The following B4GALT1 variants were observed in gnomAD, a reference collection of about 807,000 sequenced individuals.
B4GALT1 encodes N-acetyllactosamine synthase.
A neutral mutation model predicts 34.9 loss-of-function variants in B4GALT1; 16 were observed. That is an observed-to-expected ratio of 0.46 (90% confidence interval 0.31 to 0.70). The LOEUF (loss-of-function observed/expected upper bound fraction) is 0.70, where lower values mean the gene tolerates loss of function less well. Among genes scored for constraint, B4GALT1 ranks in the 30% least tolerant of loss-of-function variants. The pLI, the probability that B4GALT1 is intolerant of heterozygous loss-of-function variation, is 0.05. For missense variants in B4GALT1, 445 were observed against 530.5 expected, an observed-to-expected ratio of 0.84 and a Z score of 1.58; for synonymous variants, 221 against 218.1, an observed-to-expected ratio of 1.01 and a Z score of -0.12.
downstream of B4GALT1, among the ~76,000 whole-genome samples, chr9:33,109,256 C>T (rs1839828112): frequency 6.6e-6 from 1 of 152,196 alleles, no homozygotes; most frequent in African/African-American, 2.4e-5. Context: ...AGATGAGCTT[C>T]CAGATAGCTG....
At chr9:33,168,778 G>C (rs1260128573), upstream of B4GALT1, among the ~76,000 whole-genome samples, 1 of 152,160 alleles carries the variant, frequency 6.6e-6, no homozygotes, top group Non-Finnish European at 1.5e-5. Context: ...GCTGATCACT[G>C]ATTTGTCTCC....
At chr9:33,175,110 G>C in the B4GALT1 span, among the ~76,000 whole-genome samples, 1 of 143,310 alleles carries the variant, frequency 7.0e-6, no homozygotes, top group African/African-American at 2.6e-5. Context: ...CCAGAAGTTT[G>C]ATACTAGCCT....
rs17326497 is a variant in B4GALT1 at position 33,111,688 on chromosome 9, G to T, written c.*1766C>A. 5 of 152,694 alleles carry T rather than the reference G, an allele frequency of 3.3e-5. No homozygotes were observed. Among genetic ancestry groups the T allele is most frequent in the African/African-American group, 1.2e-4 (5 of 41,456 alleles). 9.5% of individuals were successfully genotyped at this position (152,694 alleles called of 1,614,324 possible). A position where few individuals can be genotyped will look rare whatever the true frequency, so the allele number is the denominator to read the frequency against. ...CCAGGAGGGCAGTGGTTTGGGGTCC[G>T]CCACGAGCACAAGGCTCAACCCTGG... On this transcript the variant is annotated 3_prime_UTR_variant, in exon 6 of 6. Transcript: ENST00000379731.
chr9:33,125,554 G>C (rs1463317118), intron 2 of B4GALT1, among the ~76,000 whole-genome samples: 1 of 152,160 alleles, frequency 6.6e-6, no homozygotes, highest in African/African-American at 2.4e-5. Context: ...AGCAGACAGT[G>C]CCTCCCCCAA....
chr9:33,180,913 A>G, the B4GALT1 span, among the ~76,000 whole-genome samples: 2 of 152,124 alleles, frequency 1.3e-5, no homozygotes, highest in African/African-American at 2.4e-5. Flanking sequence ...AAAAAGTTCA[A>G]TTTCCCTTTA....
chr9:33,182,615 C>T, the B4GALT1 span, among the ~76,000 whole-genome samples: 1,071 of 152,244 alleles, frequency 7.0e-3, 16 homozygotes, highest in African/African-American at 0.025. Context: ...AACTGATTAC[C>T]ACTCCTCCTT....
At chr9:33,114,547 G>GTC (rs10633991) in intron 4 of B4GALT1, among the ~76,000 whole-genome samples, 145,347 of 152,184 alleles carry the variant, frequency 0.96, 69,543 homozygotes, top group Middle Eastern at 0.99. Flanking sequence ...CCATGGGGAA[G>GTC]TCTCTGGAAA....
Position 33,111,276 on chromosome 9 carries a change from A to AAAAAAAAAAAAAAAAAAAC in B4GALT1, c.*2177_*2178insGTTTTTTTTTTTTTTTTTT, listed in dbSNP as rs1564033760. ...AAAAAAAAAAAAAAAAAAAAAAAAA[A>AAAAAAAAAAAAAAAAAAAC]AACAACAAGAAAAGGTAGAGTTTGG... On this transcript the variant is annotated 3_prime_UTR_variant, in exon 6 of 6. Coordinates refer to ENST00000379731, the MANE Select transcript of B4GALT1 (RefSeq NM_001497.4). 6 of 106,010 alleles carry AAAAAAAAAAAAAAAAAAAC rather than the reference A, an allele frequency of 5.7e-5. No homozygotes were observed. The highest frequency in any genetic ancestry group is 1.0e-4 in the Admixed American group (1 of 9,580). 6.6% of individuals were successfully genotyped at this position (106,010 alleles called of 1,614,324 possible).
intron 1 of B4GALT1, among the ~76,000 whole-genome samples, chr9:33,150,908 G>C (rs954317093): frequency 2.6e-5 from 4 of 152,142 alleles, no homozygotes; most frequent in African/African-American, 7.2e-5. Context: ...TGAGGCAAGA[G>C]AGTCCATGAG....
intron 1 of B4GALT1, among the ~76,000 whole-genome samples, chr9:33,140,039 A>G (rs995180686): frequency 2.0e-5 from 3 of 152,200 alleles, no homozygotes; most frequent in African/African-American, 4.8e-5. Context: ...AATAACTTCA[A>G]TGTGTGAGCT....
chr9:33,135,917 G>A (rs1243407846), intron 1 of B4GALT1, among the ~76,000 whole-genome samples: 7 of 151,166 alleles, frequency 4.6e-5, no homozygotes, highest in African/African-American at 1.7e-4. Context: ...GTGTATGTGT[G>A]TGTGTGTGTG....
intron 1 of B4GALT1, among the ~76,000 whole-genome samples, chr9:33,153,065 G>A (rs1218493251): frequency 4.6e-5 from 7 of 151,868 alleles, no homozygotes; most frequent in African/African-American, 1.7e-4. Flanking sequence ...AAAGACAGAT[G>A]GCCAATAAAC....
At chr9:33,139,687 C>G (rs114273730) in intron 1 of B4GALT1, among the ~76,000 whole-genome samples, 1 of 152,230 alleles carries the variant, frequency 6.6e-6, no homozygotes, top group Non-Finnish European at 1.5e-5. Context: ...AGGAAGGCAA[C>G]GACTACCTCT....
At chr9:33,174,655 A>T in the B4GALT1 span, among the ~76,000 whole-genome samples, 1 of 150,428 alleles carries the variant, frequency 6.6e-6, no homozygotes, top group Non-Finnish European at 1.5e-5. Context: ...TCTCAAAATT[A>T]CATGTATATC....
rs1049803185 is a variant in B4GALT1, at chr9:33,110,766, A to T, written c.*2688T>A. On this transcript the variant is annotated 3_prime_UTR_variant, in exon 6 of 6. Transcript: ENST00000379731. ...CAATGGTAAATACACACATTTGCAT[A>T]CACAGGAAATCAAAATACACAGCAC... The T allele has an allele frequency of 6.6e-6, 1 of 152,254 alleles. No individual in the cohort carries two copies. Among genetic ancestry groups the T allele is most frequent in the Non-Finnish European group, 1.5e-5 (1 of 68,056 alleles). 9.4% of individuals were successfully genotyped at this position (152,254 alleles called of 1,614,324 possible).
chr9:33,156,476 A>G (rs1429594360), intron 1 of B4GALT1, among the ~76,000 whole-genome samples: 1 of 152,154 alleles, frequency 6.6e-6, no homozygotes, highest in Non-Finnish European at 1.5e-5. Flanking sequence ...TAAGTCTAAA[A>G]TCATTCCATC....
At chr9:33,161,566 G>T (rs1395314733) in intron 1 of B4GALT1, among the ~76,000 whole-genome samples, 1 of 152,160 alleles carries the variant, frequency 6.6e-6, no homozygotes, top group Non-Finnish European at 1.5e-5. Context: ...CCCATGCCTT[G>T]TTAATTCCCC....
At chr9:33,156,288 C>T (rs1191213253) in intron 1 of B4GALT1, among the ~76,000 whole-genome samples, 1 of 152,056 alleles carries the variant, frequency 6.6e-6, no homozygotes, top group Non-Finnish European at 1.5e-5. Context: ...TGCATGCCAC[C>T]ACACCCGGCT....
chr9:33,148,890 G>C (rs1840468043), intron 1 of B4GALT1, among the ~76,000 whole-genome samples: 1 of 151,198 alleles, frequency 6.6e-6, no homozygotes, highest in South Asian at 2.1e-4. Flanking sequence ...GAATCCCAAA[G>C]ACCATTCCCC....
Sources: allele counts gnomAD v4.1 joint callset (sites outside exome capture counted in the v4.1 genomes callset), GRCh38; gene constraint gnomAD v4.1.1; transcripts MANE v1.5; gene names NCBI Gene and HGNC (gene_info 2026-07-23, HGNC 2026-07-21).